THSD7B: variants seen among roughly 807,000 people sequenced by gnomAD.
THSD7B encodes the protein thrombospondin type-1 domain-containing protein 7B.
In THSD7B, 138 loss-of-function variants were observed where a neutral mutation model predicts 213.6. The ratio of observed to expected loss-of-function variants is 0.65; its 90% CI spans 0.56 to 0.74. The LOEUF (loss-of-function observed/expected upper bound fraction) is 0.74, where lower values mean the gene tolerates loss of function less well. Ranked by LOEUF, THSD7B falls within the 30% of genes least tolerant of loss-of-function variation. The probability of loss-of-function intolerance (pLI) is 0.00; values close to 1 mark genes in which losing one functional copy is unlikely to be tolerated. For synonymous variants in THSD7B, 742 were observed against 687.0 expected (o/e 1.08, Z -1.25); for missense variants, 1,931 against 1,991.5 (o/e 0.97, Z 0.58).
intron 3 of THSD7B, 35 bp from the exon 4 acceptor site, chr2:137,094,838 T>A (rs936351670): frequency 1.3e-6 from 2 of 1,599,352 alleles, no homozygotes; most frequent in East Asian, 2.2e-5. Flanking sequence ...TCCATTAATA[T>A]ATGGCCTCCT....
intron 1 of THSD7B, among the ~76,000 whole-genome samples, chr2:136,775,484 T>C (rs796292562): frequency 8.5e-5 from 13 of 152,230 alleles, no homozygotes; most frequent in African/African-American, 3.1e-4. Flanking sequence ...CATGCCAGGA[T>C]TCTATTCAGA....
intron 4 of THSD7B, among the ~76,000 whole-genome samples, chr2:137,097,573 T>C (rs1256819982): frequency 6.6e-6 from 1 of 152,136 alleles, no homozygotes; most frequent in Non-Finnish European, 1.5e-5. Context: ...TACCTACTAA[T>C]ATACATGCAT....
chr2:137,667,836 C>T lies in THSD7B; in HGVS notation c.4714C>T (p.Leu1572=), dbSNP rs1683479789. The T allele has an allele frequency of 2.5e-6, 4 of 1,598,884 alleles. No individual in the cohort carries two copies. The African/African-American group carries it at 5.4e-5, about 21-fold the overall frequency. The change falls in exon 27 of 28, where the codon CTA becomes TTA. Residue 1572 remains leucine (L), a synonymous_variant. Transcript: ENST00000409968. ...TGGCGCTTTTCTCATCATGATTTTC[C>T]TAATATTTACTTCCTACCTTGTTTG... The part of the protein sequence containing the change: ...SGGAFLIMIF[L]IFTSYLVCKK...
chr2:136,798,331 T>C (rs1036217335), intron 1 of THSD7B, among the ~76,000 whole-genome samples: 1 of 151,960 alleles, frequency 6.6e-6, no homozygotes, highest in African/African-American at 2.4e-5. Context: ...GAACAATTCC[T>C]TGAAAACTTT....
At position 137,309,916 on chromosome 2, in the gene THSD7B, T is replaced by C. The variant is rs146053053; in HGVS notation, c.2500+33890T>C. ...TAATCTGGTCTATCATTGTTGGACA[T>C]TTGGGTTGGTTCCAAGTCTTTGCTA... On this transcript the variant is annotated intron_variant, in intron 12 of 27. Transcript: ENST00000409968. 9.6e-3 allele frequency among the ~76,000 whole-genome samples: 1,462 copies of C among 152,228 alleles called. 25 individuals are homozygous for C. Among genetic ancestry groups the C allele is most frequent in the African/African-American group, 0.034 (1,392 of 41,550 alleles).
chr2:137,463,515 C>A (rs1375710086), intron 15 of THSD7B, among the ~76,000 whole-genome samples: 3 of 152,032 alleles, frequency 2.0e-5, no homozygotes, highest in Admixed American at 6.6e-5. Flanking sequence ...ATCACTCCCC[C>A]CATTTACCCT....
rs554903224 is a variant in THSD7B, at chr2:137,273,329, A to G, written c.2396+667A>G. Reference sequence around the variant, plus strand: ...CCCTCTTGGCAAATTGGTGATTACTATTTAAAAAATAATAATAGGTTTCTT... The same window carrying G: ...CCCTCTTGGCAAATTGGTGATTACTGTTTAAAAAATAATAATAGGTTTCTT... On this transcript the variant is annotated intron_variant, in intron 11 of 27. Coordinates refer to ENST00000409968, the MANE Select transcript of THSD7B (RefSeq NM_001316349.2). Among the ~76,000 whole-genome samples the G allele has an allele frequency of 2.6e-5, 4 of 152,188 alleles. No individual in the cohort carries two copies. In the South Asian group the frequency reaches 8.3e-4, roughly 32 times the overall value.
At chr2:136,908,626 T>A (rs894606766) in intron 2 of THSD7B, among the ~76,000 whole-genome samples, 1 of 152,164 alleles carries the variant, frequency 6.6e-6, no homozygotes, top group Non-Finnish European at 1.5e-5. Context: ...TTGCACATAT[T>A]TACCAATAAT....
intron 2 of THSD7B, among the ~76,000 whole-genome samples, chr2:136,915,404 A>T (rs1038860838): frequency 2.6e-5 from 4 of 152,206 alleles, no homozygotes; most frequent in Non-Finnish European, 5.9e-5. Flanking sequence ...TGATAGTGGC[A>T]GGCAATATAA....
chr2:136,769,392 C>T (rs530099489), intron 1 of THSD7B, among the ~76,000 whole-genome samples: 1 of 152,286 alleles, frequency 6.6e-6, no homozygotes, highest in Non-Finnish European at 1.5e-5. Context: ...CCACATCAAG[C>T]ATTTCATTTG....
intron 12 of THSD7B, among the ~76,000 whole-genome samples, chr2:137,304,049 A>G (rs1294386452): frequency 6.6e-6 from 1 of 151,460 alleles, no homozygotes; most frequent in African/African-American, 2.4e-5. Flanking sequence ...GAAGGAGAAC[A>G]TGTGGTGTTT....
intron 3 of THSD7B, among the ~76,000 whole-genome samples, chr2:137,078,277 T>A (rs1398340170): frequency 1.3e-5 from 2 of 152,220 alleles, no homozygotes; most frequent in Non-Finnish European, 2.9e-5. Flanking sequence ...CCAGCTTTGT[T>A]CTTTTGGCTT....
intron 3 of THSD7B, among the ~76,000 whole-genome samples, chr2:137,077,135 G>A (rs1299125492): frequency 6.6e-6 from 1 of 151,904 alleles, no homozygotes; most frequent in Non-Finnish European, 1.5e-5. Context: ...CTTCATCCAT[G>A]TCCCTACAAA....
At chr2:136,862,070 G>A (rs550345008) in intron 1 of THSD7B, among the ~76,000 whole-genome samples, 5 of 152,208 alleles carry the variant, frequency 3.3e-5, no homozygotes, top group African/African-American at 7.2e-5. Flanking sequence ...GTGAGTGATC[G>A]AGAAAGTGTG....
rs989059833 is a variant in THSD7B, at chr2:136,946,774, G to T, written c.139+64457G>T. Among the ~76,000 whole-genome samples the T allele has an allele frequency of 3.9e-5, 6 of 152,352 alleles. No homozygotes were observed. The South Asian group carries it at 1.2e-3, about 32-fold the overall frequency. On this transcript the variant is annotated intron_variant, in intron 2 of 27. Transcript: ENST00000409968. ...TAGCAGTGAGCAAGGCTCCATGGGTGTGGGACCCACCGAGCCTTGCATAGG... is the reference window on the plus strand; with the variant it reads ...TAGCAGTGAGCAAGGCTCCATGGGTTTGGGACCCACCGAGCCTTGCATAGG...
chr2:137,152,975 G>A (rs1330626895), intron 5 of THSD7B, among the ~76,000 whole-genome samples: 4 of 152,198 alleles, frequency 2.6e-5, no homozygotes, highest in South Asian at 2.1e-4. Context: ...AACTGTATAA[G>A]ATGTCATTTA....
intron 1 of THSD7B, among the ~76,000 whole-genome samples, chr2:136,867,537 A>G (rs1321584117): frequency 6.6e-6 from 1 of 152,214 alleles, no homozygotes; most frequent in East Asian, 1.9e-4. Flanking sequence ...AGAATATATT[A>G]TATAGTAAAT....
At position 137,242,452 on chromosome 2, in the gene THSD7B, G is replaced by GC; in HGVS notation, c.2151-5_2151-4insC. ...GGCATTGACATGGTCTTTTCACATT[G>GC]ACAGATGTCCAGATTCTACTCGACC... On this transcript the variant is annotated splice_polypyrimidine_tract_variant and splice_region_variant and intron_variant, in intron 9 of 27. Coordinates refer to ENST00000409968, the MANE Select transcript of THSD7B (RefSeq NM_001316349.2). 6.2e-7 allele frequency: 1 copy of GC among 1,610,552 alleles called. No individual in the cohort carries two copies. The highest frequency in any genetic ancestry group is 1.7e-5 in the Admixed American group (1 of 59,992).
chr2:137,556,598 G>T (rs1037562815), intron 15 of THSD7B, among the ~76,000 whole-genome samples: 1 of 152,166 alleles, frequency 6.6e-6, no homozygotes, highest in Admixed American at 6.5e-5. Flanking sequence ...ATGCCAAATT[G>T]TAAAGACCAT....
Sources: gnomAD v4.1 joint callset for allele counts (sites outside exome capture counted in the v4.1 genomes callset) on GRCh38, gnomAD v4.1.1 for gene constraint, MANE v1.5 for transcripts, NCBI Gene and HGNC (gene_info 2026-07-23, HGNC 2026-07-21) for gene names.